The following CLCNKA variants were observed in gnomAD, a reference collection of about 807,000 sequenced individuals.
The protein encoded by CLCNKA is chloride voltage-gated channel Ka.
CLCNKA carries 66 observed loss-of-function variants against 83.3 expected under a neutral mutation model. The ratio of observed to expected loss-of-function variants is 0.79; its 90% CI spans 0.65 to 0.97. The LOEUF (loss-of-function observed/expected upper bound fraction) is 0.97. Among genes scored for constraint, CLCNKA ranks in the 50% least tolerant of loss-of-function variants. The pLI is 0.00. For synonymous variants in CLCNKA, 357 were observed against 370.4 expected, an observed-to-expected ratio of 0.96 and a Z score of 0.42; for missense variants, 806 against 888.7, an observed-to-expected ratio of 0.91 and a Z score of 1.18.
At chr1:16,026,505 C>T (rs966367718) in intron 5 of CLCNKA, 31 bp from the exon 6 acceptor site, 2 of 1,613,070 alleles carry the variant, frequency 1.2e-6, no homozygotes, top group African/African-American at 2.7e-5. Flanking sequence ...GTCTCTGCTG[C>T]CCTCACCTGG....
In CLCNKA at chr1:16,030,401, C is replaced by G. The variant is rs1243663495; in HGVS notation, c.1409-60C>G. The G allele has an allele frequency of 3.8e-6, 6 of 1,594,226 alleles. No individual in the cohort carries two copies. The East Asian group carries it at 6.7e-5, about 18-fold the overall frequency. ...GCAGCAGCCAGGCTAGTTATTCCCT[C>G]ACATCAGGCTGGCCCCTGCCTCCTG... On this transcript the variant is annotated intron_variant, in intron 14 of 19. Coordinates refer to ENST00000331433, the MANE Select transcript of CLCNKA (RefSeq NM_004070.4).
intron 18 of CLCNKA, 71 bp downstream of exon 18, chr1:16,032,597 TC>T: frequency 8.2e-7 from 1 of 1,223,144 alleles, no homozygotes; most frequent in Non-Finnish European, 1.2e-6. Flanking sequence ...GAGCTCAGGC[TC>T]CAGCCTCCCG....
chr1:16,023,747 C>A, intron 2 of CLCNKA, 53 bp from the exon 3 acceptor site: 2 of 1,610,104 alleles, frequency 1.2e-6, no homozygotes, highest in Non-Finnish European at 1.7e-6. Context: ...AGGGAAGGGG[C>A]TGTCTGTGCC....
rs1167622396 is a variant in CLCNKA, at chr1:16,023,577, G to A, written c.101-223G>A. 8.5e-5 allele frequency among the ~76,000 whole-genome samples: 13 copies of A among 152,314 alleles called. No individual in the cohort carries two copies. The South Asian group carries it at 2.5e-3, about 29-fold the overall frequency. ...CAGGCTCACTCAGTGGTGGCCTGAGGTTCTGTTCAGGGCTCCTCCATCCTG... is the reference window on the plus strand; with the variant it reads ...CAGGCTCACTCAGTGGTGGCCTGAGATTCTGTTCAGGGCTCCTCCATCCTG... On this transcript the variant is annotated intron_variant, in intron 2 of 19. Coordinates refer to ENST00000331433, the MANE Select transcript of CLCNKA (RefSeq NM_004070.4).
Position 16,028,850 on chromosome 1 carries a change from G to A in CLCNKA, c.1053+5G>A, listed in dbSNP as rs1447427740. On this transcript the variant is annotated splice_donor_5th_base_variant and intron_variant, in intron 11 of 19. Transcript: ENST00000331433. ...GGCCACTTCCTAGCTTCTCGGGTAA[G>A]GGGTCCTGAGCGGGGGTGGCAGGAG... is the stretch of plus-strand genomic sequence containing the variant. 1 of 1,613,996 alleles carries A rather than the reference G, an allele frequency of 6.2e-7. No individual in the cohort carries two copies. Among genetic ancestry groups the A allele is most frequent in the East Asian group, 2.2e-5 (1 of 44,888 alleles).
chr1:16,026,208 C>A lies in CLCNKA; in HGVS notation c.459C>A (p.Cys153Ter), dbSNP rs1169269145. The A allele has an allele frequency of 6.2e-7, 1 of 1,613,794 alleles. No individual in the cohort carries two copies. The highest frequency in any genetic ancestry group is 2.2e-5 in the East Asian group (1 of 44,890). ...NFGAKVVGLSCTLATGSTLFL... is the reference protein window; with the variant it reads ...NFGAKVVGLS ...GGGCCAAGGTGGTGGGCCTCTCCTG[C>A]ACCCTGGCCACCGGCAGCACCCTGT... The change falls in exon 5 of 20, where the codon TGC becomes TGA. Residue 153 changes from cysteine (C) to a stop codon, truncating the protein, a stop_gained. Transcript: ENST00000331433. LOFTEE classifies it high-confidence loss of function.
chr1:16,029,468 G>A, intron 12 of CLCNKA, 169 bp downstream of exon 12: 1 of 1,136,302 alleles, frequency 8.8e-7, no homozygotes, highest in Non-Finnish European at 1.3e-6. Flanking sequence ...CAGGTCTCTG[G>A]ACCTCAGTCT....
rs1333223402 is a variant in CLCNKA, at chr1:16,030,083, G to T, written c.1408+8G>T. 1 of 1,587,282 alleles carries T rather than the reference G, an allele frequency of 6.3e-7. No homozygotes were observed. The highest frequency in any genetic ancestry group is 8.6e-7 in the Non-Finnish European group (1 of 1,156,206). On this transcript the variant is annotated splice_region_variant and intron_variant, in intron 14 of 19. Transcript: ENST00000331433. ...GGGGGTATGCTCTGGCAGGTGAGTG[G>T]GTCACGGCCCTGCTGGGTGGGCAAT...
intron 2 of CLCNKA, 139 bp downstream of exon 2, chr1:16,022,858 G>C: frequency 1.7e-6 from 1 of 594,426 alleles, no homozygotes; most frequent in Non-Finnish European, 2.8e-6. Context: ...TCTCCTGGGT[G>C]GCAGGGAGGG....
At chr1:16,030,778 C>T (rs767065562) in intron 15 of CLCNKA, 104 bp downstream of exon 15, 32 of 1,406,372 alleles carry the variant, frequency 2.3e-5, no homozygotes, top group Non-Finnish European at 3.1e-5. Context: ...AGCTGACCTC[C>T]GACATGGGGG....
chr1:16,033,579 C>G, intron 19 of CLCNKA, 32 bp from the exon 20 acceptor site: 5 of 833,744 alleles, frequency 6.0e-6, no homozygotes, highest in Non-Finnish European at 9.7e-6. Context: ...CTCTACATCC[C>G]CCCCCACCTC....
chr1:16,031,838 G>A lies in CLCNKA; in HGVS notation c.1751G>A (p.Ser584Asn), dbSNP rs778093102. The change falls in exon 16 of 20, where the codon AGC becomes AAC. Residue 584 changes from serine to asparagine, a missense_variant. Transcript: ENST00000331433. ...GTGACCGAGTATCCCCTGGTGGAGA[G>A]CACAGGTGCCCAGCTGGAAGGGAGG... ...TDVTEYPLVE[S>N]TESQILVGIV... The A allele has an allele frequency of 3.3e-5, 54 of 1,613,712 alleles. No homozygotes were observed. The highest frequency in any genetic ancestry group is 4.5e-5 in the Non-Finnish European group (53 of 1,180,044).
chr1:16,022,655 AG>A lies in CLCNKA; in HGVS notation c.40del (p.Asp14ThrfsTer3). On this transcript the variant is annotated frameshift_variant, in exon 2 of 20. Transcript: ENST00000331433. LOFTEE classifies it high-confidence loss of function. ...TGGTGGGGCTGCGTGAGGGCTTCTCAGGGGACCCTGTGACTCTGCAGGAGCT... is the reference window on the plus strand; with the variant it reads ...TGGTGGGGCTGCGTGAGGGCTTCTCAGGGACCCTGTGACTCTGCAGGAGCT... ...ELVGLREGFSGDPVTLQELWG... is the reference protein window; with the variant it reads ...ELVGLREGFSXDPVTLQELWG... The A allele has an allele frequency of 6.4e-7, 1 of 1,568,260 alleles. No individual in the cohort carries two copies. The highest frequency in any genetic ancestry group is 8.6e-7 in the Non-Finnish European group (1 of 1,156,208).
intron 12 of CLCNKA, 21 bp downstream of exon 12, chr1:16,029,320 G>A: frequency 6.2e-7 from 1 of 1,613,590 alleles, no homozygotes; most frequent in South Asian, 1.1e-5. Context: ...TGACCCCCAG[G>A]TGTGCACAGA....
Position 16,030,693 on chromosome 1 carries a change from A to T in CLCNKA, c.1622+19A>T. ...ACATCGGGTGAGTGGTGCCCACCTC[A>T]GGCTGACTGAAGGGGGTCACAGTGT... On this transcript the variant is annotated intron_variant, in intron 15 of 19. Transcript: ENST00000331433. 1 of 1,613,096 alleles carries T rather than the reference A, an allele frequency of 6.2e-7. No individual in the cohort carries two copies. The highest frequency in any genetic ancestry group is 8.5e-7 in the Non-Finnish European group (1 of 1,180,014).
At chr1:16,026,508 T>A (rs1367920438) in intron 5 of CLCNKA, 28 bp from the exon 6 acceptor site, 1 of 1,613,562 alleles carries the variant, frequency 6.2e-7, no homozygotes, top group Non-Finnish European at 8.5e-7. Flanking sequence ...TCTGCTGCCC[T>A]CACCTGGGCC....
At chr1:16,028,208 A>C (rs2022455688) in intron 10 of CLCNKA, 89 bp downstream of exon 10, 1 of 1,237,898 alleles carries the variant, frequency 8.1e-7, no homozygotes, top group African/African-American at 1.5e-5. Context: ...CCATCCTCCC[A>C]CTGAGCCCCT....
At chr1:16,028,564 T>C (rs752927545) in intron 10 of CLCNKA, 197 bp from the exon 11 acceptor site, 3 of 720,188 alleles carry the variant, frequency 4.2e-6, no homozygotes, top group Admixed American at 2.0e-5. Context: ...CATACCCAGT[T>C]GAGGGGCTCA....
intron 12 of CLCNKA, 24 bp downstream of exon 12, chr1:16,029,323 T>G: frequency 6.2e-7 from 1 of 1,613,490 alleles, no homozygotes. Context: ...CCCCCAGGTG[T>G]GCACAGAGCC....
Sources: allele counts gnomAD v4.1 joint callset (sites outside exome capture counted in the v4.1 genomes callset), GRCh38; gene constraint gnomAD v4.1.1; transcripts MANE v1.5; gene names NCBI Gene and HGNC (gene_info 2026-07-23, HGNC 2026-07-21).